Variants in D2HGDH observed in about 807,000 individuals in gnomAD.
The protein encoded by D2HGDH is D-2-hydroxyglutarate dehydrogenase, mitochondrial.
Under a neutral mutation model 46.9 loss-of-function variants are expected in D2HGDH, and 31 were observed. The observed-to-expected ratio is 0.66, with a 90% CI of 0.50 to 0.89. D2HGDH has a LOEUF of 0.89. Among genes scored for constraint, D2HGDH ranks in the 40% least tolerant of loss-of-function variants. D2HGDH has a pLI of 0.00. For missense variants in D2HGDH, 698 were observed against 720.8 expected, an observed-to-expected ratio of 0.97 and a Z score of 0.36; for synonymous variants, 364 against 332.6, an observed-to-expected ratio of 1.09 and a Z score of -1.03.
At position 241,751,396 on chromosome 2, in the gene D2HGDH, G is replaced by A. The variant is rs369135156; in HGVS notation, c.1140+8G>A. Reference sequence around the variant, plus strand: ...GACCAGAGGAAAGTCAAGGTGCCCTGTGTCCTGCTTGCAGGTCCCCGCTCT... The same window carrying A: ...GACCAGAGGAAAGTCAAGGTGCCCTATGTCCTGCTTGCAGGTCCCCGCTCT... On this transcript the variant is annotated splice_region_variant and intron_variant, in intron 8 of 9. Transcript: ENST00000321264. 5.9e-4 allele frequency: 958 copies of A among 1,613,012 alleles called. 6 individuals carry two copies. The Middle Eastern group carries it at 9.3e-3, about 16-fold the overall frequency.
chr2:241,752,142 T>G (rs1697358989), intron 8 of D2HGDH, among the ~76,000 whole-genome samples: 1 of 152,084 alleles, frequency 6.6e-6, no homozygotes. Flanking sequence ...TCCCGCTTAG[T>G]TGATTTCAGG....
At chr2:241,744,921 G>C in intron 6 of D2HGDH, 44 bp downstream of exon 6, 1 of 1,612,894 alleles carries the variant, frequency 6.2e-7, no homozygotes, top group Non-Finnish European at 8.5e-7. Flanking sequence ...GGTTGGGCTC[G>C]AGCGTCTGCT....
intron 6 of D2HGDH, among the ~76,000 whole-genome samples, chr2:241,745,506 C>G (rs1000227335): frequency 6.6e-6 from 1 of 152,198 alleles, no homozygotes; most frequent in Non-Finnish European, 1.5e-5. Context: ...CTCACCAACT[C>G]CCAGTTCGGT....
chr2:241,735,594 C>T (rs899333566), intron 2 of D2HGDH, 78 bp downstream of exon 2: 86 of 1,570,900 alleles, frequency 5.5e-5, no homozygotes, highest in Non-Finnish European at 6.7e-5. Flanking sequence ...TCAAAGCGGG[C>T]TGAGAACAAC....
At chr2:241,761,019 C>T (rs1242259664) in intron 9 of D2HGDH, among the ~76,000 whole-genome samples, 5 of 152,184 alleles carry the variant, frequency 3.3e-5, no homozygotes, top group Admixed American at 3.3e-4. Flanking sequence ...CTCTGGGAGC[C>T]CTGATGGCTG....
At chr2:241,764,073 C>T (rs568205446) in intron 9 of D2HGDH, among the ~76,000 whole-genome samples, 3 of 152,336 alleles carry the variant, frequency 2.0e-5, no homozygotes, top group East Asian at 3.9e-4. Context: ...TGAACATATT[C>T]TGTGGATGTG....
chr2:241,768,216 A>G lies in D2HGDH; in HGVS notation c.*247A>G, dbSNP rs2125181340. ...GGTGGGGCCTCTGCAGCCATCCTGG[A>G]CAGGCCGGGGTGGCGGCAGCTTTGC... is the stretch of plus-strand genomic sequence containing the variant. On this transcript the variant is annotated 3_prime_UTR_variant, in exon 10 of 10. Coordinates refer to ENST00000321264, the MANE Select transcript of D2HGDH (RefSeq NM_152783.5). The G allele has an allele frequency of 1.6e-6, 1 of 623,920 alleles. No individual in the cohort carries two copies. The highest frequency in any genetic ancestry group is 2.9e-5 in the East Asian group (1 of 34,398). The allele number at this position is 623,920 out of a possible 1,614,324, so 38.6% of individuals were successfully genotyped here.
chr2:241,750,696 G>C (rs1575282816), intron 7 of D2HGDH, among the ~76,000 whole-genome samples: 1 of 152,100 alleles, frequency 6.6e-6, no homozygotes, highest in Non-Finnish European at 1.5e-5. Context: ...GTTGTTGGGG[G>C]ATGGAGTTTC....
chr2:241,758,551 C>T (rs960489796), intron 9 of D2HGDH, among the ~76,000 whole-genome samples: 1 of 152,016 alleles, frequency 6.6e-6, no homozygotes, highest in African/African-American at 2.4e-5. Flanking sequence ...ACCACAGCCT[C>T]GACCTTCTGG....
intron 8 of D2HGDH, chr2:241,754,907 G>A: frequency 1.1e-6 from 1 of 919,980 alleles, no homozygotes; most frequent in Non-Finnish European, 1.4e-6. Flanking sequence ...CCGGCCAAGT[G>A]TTTCTCTTAG....
At chr2:241,739,898 C>A (rs1020003409) in intron 2 of D2HGDH, among the ~76,000 whole-genome samples, 32 of 152,206 alleles carry the variant, frequency 2.1e-4, no homozygotes, top group African/African-American at 7.2e-4. Flanking sequence ...TAACCACAGC[C>A]CTTAGGGAGG....
chr2:241,741,240 G>A lies in D2HGDH; in HGVS notation c.350+150G>A, dbSNP rs576173428. The A allele has an allele frequency of 1.7e-4, 129 of 770,694 alleles. 1 individual carries two copies. Among genetic ancestry groups the A allele is most frequent in the Non-Finnish European group, 1.5e-4 (67 of 447,600 alleles). The allele number at this position is 770,694 out of a possible 1,614,324, so 47.7% of individuals were successfully genotyped here. ...CTCAGTGTTTGTTCTGTGGTTTTTCGGTGCTATCTCAATGCATCTGTGGTG... is the reference window on the plus strand; with the variant it reads ...CTCAGTGTTTGTTCTGTGGTTTTTCAGTGCTATCTCAATGCATCTGTGGTG... On this transcript the variant is annotated intron_variant, in intron 3 of 9. Transcript: ENST00000321264.
intron 9 of D2HGDH, among the ~76,000 whole-genome samples, chr2:241,758,765 A>ATG (rs1491270413): frequency 4.4e-5 from 5 of 113,350 alleles, no homozygotes; most frequent in South Asian, 3.5e-4. Context: ...CCGCCCCACA[A>ATG]TATATGTGTG....
intron 6 of D2HGDH, among the ~76,000 whole-genome samples, chr2:241,746,214 C>T (rs1695821133): frequency 6.6e-6 from 1 of 152,112 alleles, no homozygotes; most frequent in African/African-American, 2.4e-5. Flanking sequence ...TTAATCTCCC[C>T]TCCATATTGT....
At chr2:241,753,514 C>G (rs1697632162) in intron 8 of D2HGDH, among the ~76,000 whole-genome samples, 1 of 152,218 alleles carries the variant, frequency 6.6e-6, no homozygotes, top group African/African-American at 2.4e-5. Context: ...CTGCTTTCCA[C>G]TCTGTGGTCT....
In D2HGDH at chr2:241,767,624, G is replaced by A. The variant is rs553815003; in HGVS notation, c.1307-86G>A. ...CGGGGGTCTCGGGGTTGCTGGGGAG[G>A]GGATCTTGGGAGGGGCTGTTGGGGG... On this transcript the variant is annotated intron_variant, in intron 9 of 9. Coordinates refer to ENST00000321264, the MANE Select transcript of D2HGDH (RefSeq NM_152783.5). 99 of 1,590,434 alleles carry A rather than the reference G, an allele frequency of 6.2e-5. No individual in the cohort carries two copies. In the Middle Eastern group the frequency reaches 7.7e-4, roughly 12 times the overall value.
Position 241,756,131 on chromosome 2 carries a change from A to C in D2HGDH, c.1306+117A>C, listed in dbSNP as rs1025383853. The C allele has an allele frequency of 2.0e-5, 28 of 1,395,176 alleles. No homozygotes were observed. In the East Asian group the frequency reaches 4.0e-4, roughly 20 times the overall value. 86.4% of individuals were successfully genotyped at this position (1,395,176 alleles called of 1,614,324 possible). A position where few individuals can be genotyped will look rare whatever the true frequency, so the allele number is the denominator to read the frequency against. On this transcript the variant is annotated intron_variant, in intron 9 of 9. Coordinates refer to ENST00000321264, the MANE Select transcript of D2HGDH (RefSeq NM_152783.5). ...TTGACCATGGTCTCTGGCTTAGCAT[A>C]TCTCCCGTAGACACTGGCAGGACCA...
intron 9 of D2HGDH, among the ~76,000 whole-genome samples, chr2:241,761,207 C>T (rs1412222406): frequency 2.0e-5 from 3 of 152,122 alleles, no homozygotes; most frequent in Non-Finnish European, 2.9e-5. Flanking sequence ...GCATTTCCGT[C>T]GTACCAGGAA....
chr2:241,764,831 C>T (rs1235361080), intron 9 of D2HGDH, among the ~76,000 whole-genome samples: 1 of 152,226 alleles, frequency 6.6e-6, no homozygotes, highest in Non-Finnish European at 1.5e-5. Context: ...TTCTGGCTCC[C>T]TCTCCTGCTG....
Sources: gnomAD v4.1 joint callset for allele counts (sites outside exome capture counted in the v4.1 genomes callset) on GRCh38, gnomAD v4.1.1 for gene constraint, MANE v1.5 for transcripts, NCBI Gene and HGNC (gene_info 2026-07-23, HGNC 2026-07-21) for gene names.